DAPK1: variants seen among roughly 807,000 people sequenced by gnomAD.
DAPK1 encodes death-associated protein kinase 1.
In DAPK1, 56 loss-of-function variants were observed where a neutral mutation model predicts 144.9. That is an observed-to-expected ratio of 0.39 (90% CI 0.31 to 0.48). DAPK1 has a LOEUF of 0.48. DAPK1 is among the 20% of genes least tolerant of loss of function. DAPK1 has a pLI of 0.95. For missense variants in DAPK1, 1,454 were observed against 1,875.4 expected (o/e 0.78, Z 4.15); for synonymous variants, 690 against 749.0 (o/e 0.92, Z 1.29).
intron 2 of DAPK1, among the ~76,000 whole-genome samples, chr9:87,571,476 A>ACACACACCCCC (rs771023885): frequency 3.3e-4 from 16 of 48,552 alleles, no homozygotes; most frequent in African/African-American, 7.3e-4. Flanking sequence ...CACACACACC[A>ACACACACCCCC]ACACACACAC....
chr9:87,634,436 G>A (rs1392904234), intron 3 of DAPK1, among the ~76,000 whole-genome samples: 1 of 152,144 alleles, frequency 6.6e-6, no homozygotes, highest in Non-Finnish European at 1.5e-5. Flanking sequence ...GTTTGGCATC[G>A]TCGTACTTCT....
chr9:87,664,384 G>A (rs889144029), intron 18 of DAPK1, among the ~76,000 whole-genome samples: 1 of 152,190 alleles, frequency 6.6e-6, no homozygotes, highest in Non-Finnish European at 1.5e-5. Flanking sequence ...TCTGCCCTGA[G>A]GGTACCTGAT....
At chr9:87,655,255 A>G (rs1830593192) in intron 17 of DAPK1, among the ~76,000 whole-genome samples, 1 of 152,208 alleles carries the variant, frequency 6.6e-6, no homozygotes, top group Non-Finnish European at 1.5e-5. Flanking sequence ...GCCCCCGCAG[A>G]CAGGCTCCCC....
chr9:87,658,976 T>C (rs1213490930), intron 18 of DAPK1, among the ~76,000 whole-genome samples: 1 of 152,220 alleles, frequency 6.6e-6, no homozygotes, highest in Non-Finnish European at 1.5e-5. Context: ...TGCTGGTCTT[T>C]GTAAATGAAG....
intron 2 of DAPK1, among the ~76,000 whole-genome samples, chr9:87,520,583 G>A (rs950421002): frequency 1.3e-5 from 2 of 152,210 alleles, no homozygotes; most frequent in South Asian, 4.1e-4. Context: ...ACTTTGGGGG[G>A]ATGAATTAGG....
Position 87,571,476 on chromosome 9 carries a change from A to ACAC in DAPK1, c.63-33478_63-33477insCAC, listed in dbSNP as rs771023885. Reference sequence around the variant, plus strand: ...ACACACACACACACACACACACACCAACACACACACACACACACCCCAACA... The same window carrying ACAC: ...ACACACACACACACACACACACACCACACACACACACACACACACACCCCAACA... On this transcript the variant is annotated intron_variant, in intron 2 of 25. Coordinates refer to ENST00000408954, the MANE Select transcript of DAPK1 (RefSeq NM_004938.4). Among the ~76,000 whole-genome samples, 43 of 48,552 alleles carry ACAC rather than the reference A, an allele frequency of 8.9e-4. 4 individuals carry two copies. The highest frequency in any genetic ancestry group is 1.1e-3 in the African/African-American group (12 of 10,892). 31.9% of individuals were successfully genotyped at this position (48,552 alleles called of 152,430 possible). A position where few individuals can be genotyped will look rare whatever the true frequency, so the allele number is the denominator to read the frequency against.
At chr9:87,670,777 C>T (rs961223289) in intron 19 of DAPK1, among the ~76,000 whole-genome samples, 1 of 152,160 alleles carries the variant, frequency 6.6e-6, no homozygotes, top group Non-Finnish European at 1.5e-5. Flanking sequence ...GAGCAGGGGC[C>T]AGGGGGACCT....
At chr9:87,633,472 C>G (rs1829784869) in intron 3 of DAPK1, 1 of 779,070 alleles carries the variant, frequency 1.3e-6, no homozygotes, top group South Asian at 5.9e-5. Context: ...ACTTGGTTGC[C>G]TGGACAGCCA....
chr9:87,591,382 C>T (rs953156083), intron 2 of DAPK1, among the ~76,000 whole-genome samples: 3 of 152,210 alleles, frequency 2.0e-5, no homozygotes, highest in Non-Finnish European at 4.4e-5. Flanking sequence ...AAATGATGGA[C>T]ATCTTGCATG....
Position 87,640,329 on chromosome 9 carries a change from A to G in DAPK1, c.661A>G (p.Thr221Ala), listed in dbSNP as rs1189197810. ...LSGASPFLGD[T>A]KQETLANVSA... ...TGGGGCCTCCCCATTTCTTGGAGACACTAAGCAAGAAACGTTAGCAAATGT... is the reference window on the plus strand; with the variant it reads ...TGGGGCCTCCCCATTTCTTGGAGACGCTAAGCAAGAAACGTTAGCAAATGT... Residue 221 changes from threonine to alanine, a missense_variant, in exon 8 of 26, where the codon ACT (threonine) becomes GCT (alanine). Coordinates refer to ENST00000408954, the MANE Select transcript of DAPK1 (RefSeq NM_004938.4). 3.1e-6 allele frequency: 5 copies of G among 1,614,226 alleles called. No homozygotes were observed. Among genetic ancestry groups the G allele is most frequent in the Non-Finnish European group, 4.2e-6 (5 of 1,180,018 alleles).
intron 2 of DAPK1, among the ~76,000 whole-genome samples, chr9:87,520,780 C>T (rs1037070864): frequency 2.0e-5 from 3 of 151,942 alleles, no homozygotes; most frequent in Admixed American, 6.6e-5. Context: ...TACCTGTGTG[C>T]GTACATACAT....
chr9:87,676,469 A>G (rs1179712601), intron 19 of DAPK1, among the ~76,000 whole-genome samples: 1 of 152,218 alleles, frequency 6.6e-6, no homozygotes, highest in Non-Finnish European at 1.5e-5. Flanking sequence ...ATATATTCGG[A>G]TGTGCTTAGA....
rs1446280769 is a variant in DAPK1, at chr9:87,706,632, G to T, written c.3561G>T (p.Leu1187=). 5 of 1,612,868 alleles carry T rather than the reference G, an allele frequency of 3.1e-6. No homozygotes were observed. The highest frequency in any genetic ancestry group is 4.2e-6 in the Non-Finnish European group (5 of 1,179,718). The part of the protein sequence containing the change: ...ANRGAELLVL[L]VNHGQGIEVQ... ...GTGGGGCCGAGCTGCTGGTGCTGCT[G>T]GTCAACCACGGCCAGGGCATTGAGG... Residue 1187 remains leucine (L), a synonymous_variant, in exon 26 of 26, where the codon CTG becomes CTT. Transcript: ENST00000408954. The surrounding 1 kb of genome is among the most constrained non-coding windows in gnomAD (Gnocchi z 9.0).
intron 11 of DAPK1, among the ~76,000 whole-genome samples, chr9:87,645,110 T>A (rs1830225081): frequency 6.6e-6 from 1 of 152,188 alleles, no homozygotes; most frequent in Admixed American, 6.5e-5. Context: ...TTTTCCAGAT[T>A]TGAAATTCCA....
At chr9:87,629,157 C>T (rs1829579464) in intron 3 of DAPK1, among the ~76,000 whole-genome samples, 1 of 152,164 alleles carries the variant, frequency 6.6e-6, no homozygotes, top group Non-Finnish European at 1.5e-5. Context: ...AATGAGGGCA[C>T]TTGGGTGGGC....
At chr9:87,656,804 G>T (rs926936987) in intron 17 of DAPK1, among the ~76,000 whole-genome samples, 5 of 152,182 alleles carry the variant, frequency 3.3e-5, no homozygotes, top group African/African-American at 1.2e-4. Flanking sequence ...TGGGAGGTGG[G>T]CTATGACCAC....
intron 2 of DAPK1, among the ~76,000 whole-genome samples, chr9:87,544,618 A>G (rs1826171839): frequency 6.6e-6 from 1 of 152,228 alleles, no homozygotes; most frequent in East Asian, 1.9e-4. Context: ...TATTTTTGTG[A>G]TATTTTTAGT....
At chr9:87,677,682 G>T (rs1824446002) in intron 19 of DAPK1, among the ~76,000 whole-genome samples, 1 of 152,180 alleles carries the variant, frequency 6.6e-6, no homozygotes, top group African/African-American at 2.4e-5. Context: ...TGCGTTCAGG[G>T]AATAGATGGG....
chr9:87,681,995 C>G (rs539571728), intron 20 of DAPK1, among the ~76,000 whole-genome samples: 20 of 152,202 alleles, frequency 1.3e-4, no homozygotes, highest in Non-Finnish European at 2.5e-4. Flanking sequence ...AGCTCAAACT[C>G]AAACAGTCCA....
Sources: gnomAD v4.1 joint callset for allele counts (sites outside exome capture counted in the v4.1 genomes callset) on GRCh38, gnomAD v4.1.1 for gene constraint, Gnocchi (gnomAD v3.1) non-coding constraint, MANE v1.5 for transcripts, NCBI Gene and HGNC (gene_info 2026-07-23, HGNC 2026-07-21) for gene names.